Variants in PYROXD2 observed in about 807,000 individuals in gnomAD.
The protein encoded by PYROXD2 is pyridine nucleotide-disulfide oxidoreductase domain-containing protein 2.
Under a neutral mutation model 71.1 loss-of-function variants are expected in PYROXD2, and 69 were observed. The observed-to-expected ratio is 0.97, with a 90% CI of 0.80 to 1.19. The LOEUF is 1.19. Ranked by LOEUF, PYROXD2 falls within the 50% of genes most tolerant of loss-of-function variation. PYROXD2 has a pLI of 0.00. For synonymous variants in PYROXD2, 287 were observed against 302.7 expected, an observed-to-expected ratio of 0.95 and a Z score of 0.54; for missense variants, 745 against 748.9, an observed-to-expected ratio of 0.99 and a Z score of 0.06.
At position 98,385,065 on chromosome 10, in the gene PYROXD2, G is replaced by A. The variant is rs143481654; in HGVS notation, c.1557C>T (p.Asn519=). Residue 519 remains asparagine (N), a splice_region_variant and synonymous_variant, in exon 15 of 16, where the codon AAC becomes AAT. Transcript: ENST00000370575. The part of the protein sequence containing the change: ...LERIFGLPGG[N]IFHCAMSLDQ... ...CCAGGGACATGGCGCAGTGGAATAT[G>A]TTCTGCAGAGGCAGGGCCACAGTCA... 3,739 of 1,613,800 alleles carry A rather than the reference G, an allele frequency of 2.3e-3. 5 individuals carry two copies. Among genetic ancestry groups the A allele is most frequent in the Non-Finnish European group, 2.8e-3 (3,349 of 1,179,920 alleles).
intron 14 of PYROXD2, among the ~76,000 whole-genome samples, chr10:98,386,826 G>T (rs1249991702): frequency 6.6e-6 from 1 of 152,138 alleles, no homozygotes; most frequent in Non-Finnish European, 1.5e-5. Context: ...CTCCTATCTG[G>T]TCTCCCTGTC....
intron 14 of PYROXD2, among the ~76,000 whole-genome samples, chr10:98,385,884 C>T (rs942341683): frequency 2.1e-4 from 32 of 152,182 alleles, no homozygotes; most frequent in Non-Finnish European, 1.2e-4. Flanking sequence ...CTTCCCGCTG[C>T]CTGGCCTTCT....
At position 98,387,244 on chromosome 10, in the gene PYROXD2, A is replaced by G. The variant is rs1842783514; in HGVS notation, c.1511T>C (p.Leu504Pro). The stretch of plus-strand genomic sequence containing the variant: ...GATTCTCTCCAAATCTGGTGGTGTG[A>G]GGATGTCTCTGCCAACCACAGAGTC... ...FKDSVVGRDI[L>P]TPPDLERIFG... Residue 504 changes from leucine (L) to proline (P), a missense_variant, in exon 14 of 16, where the codon CTC (leucine) becomes CCC (proline). Leu to Pro is a moderately conservative substitution (Grantham distance 98). Transcript: ENST00000370575. 1 of 1,614,096 alleles carries G rather than the reference A, an allele frequency of 6.2e-7. No homozygotes were observed.
chr10:98,401,559 C>G (rs1843411674), intron 4 of PYROXD2, among the ~76,000 whole-genome samples: 1 of 152,056 alleles, frequency 6.6e-6, no homozygotes, highest in South Asian at 2.1e-4. Context: ...CTTTTTGATT[C>G]TCTTAAAAAG....
At chr10:98,395,345 G>C (rs760164741) in intron 7 of PYROXD2, 46 bp downstream of exon 7, 1 of 1,612,774 alleles carries the variant, frequency 6.2e-7, no homozygotes, top group Non-Finnish European at 8.5e-7. Context: ...ATGGGAGGAG[G>C]GCCCTCTCAC....
chr10:98,393,218 A>C, intron 8 of PYROXD2, 135 bp from the exon 9 acceptor site: 1 of 683,942 alleles, frequency 1.5e-6, no homozygotes, highest in Non-Finnish European at 2.4e-6. Flanking sequence ...GCAGCCTTCA[A>C]TGAGCTCAAG....
At chr10:98,397,314 A>G in intron 6 of PYROXD2, 31 bp downstream of exon 6, 3 of 1,551,270 alleles carry the variant, frequency 1.9e-6, no homozygotes, top group Non-Finnish European at 2.6e-6. Context: ...AAGGTCACTC[A>G]TCATGCCCTG....
intron 14 of PYROXD2, among the ~76,000 whole-genome samples, chr10:98,385,293 G>C (rs1842715045): frequency 6.6e-6 from 1 of 152,232 alleles, no homozygotes; most frequent in African/African-American, 2.4e-5. Flanking sequence ...AGCAGGGTGG[G>C]GAACACGAAC....
chr10:98,386,428 A>G (rs925404990), intron 14 of PYROXD2, among the ~76,000 whole-genome samples: 1 of 152,246 alleles, frequency 6.6e-6, no homozygotes, highest in Non-Finnish European at 1.5e-5. Flanking sequence ...CCAAAATATT[A>G]TAATTTCAAC....
In PYROXD2 at chr10:98,397,477, A is replaced by G; in HGVS notation, c.493T>C (p.Phe165Leu). ...ATGGCTAATGCCAAGCGATGCATGAACTCCTCATATTTGGGAAAGACCTGG... is the reference window on the plus strand; with the variant it reads ...ATGGCTAATGCCAAGCGATGCATGAGCTCCTCATATTTGGGAAAGACCTGG... Reference protein sequence around the residue: ...DAQVFPKYEEFMHRLALAIDP... With the variant: ...DAQVFPKYEELMHRLALAIDP... The change falls in exon 6 of 16, where the codon TTC becomes CTC. Residue 165 changes from phenylalanine (F) to leucine (L), a missense_variant. By Grantham distance (22) the Phe-to-Leu change is conservative. Transcript: ENST00000370575. 6.2e-7 allele frequency: 1 copy of G among 1,606,140 alleles called. No individual in the cohort carries two copies.
At chr10:98,390,840 G>T in intron 11 of PYROXD2, 86 bp from the exon 12 acceptor site, 2 of 1,499,644 alleles carry the variant, frequency 1.3e-6, no homozygotes, top group Non-Finnish European at 1.8e-6. Context: ...AGTGGCGGAC[G>T]GGAGTAGGAA....
intron 5 of PYROXD2, 58 bp from the exon 6 acceptor site, chr10:98,397,556 C>A: frequency 1.4e-6 from 2 of 1,476,856 alleles, no homozygotes; most frequent in Non-Finnish European, 1.8e-6. Flanking sequence ...TCCATGCTGT[C>A]CCCAGATGGC....
chr10:98,402,600 A>G (rs1469183732), intron 4 of PYROXD2, among the ~76,000 whole-genome samples: 2 of 152,246 alleles, frequency 1.3e-5, no homozygotes, highest in African/African-American at 4.8e-5. Context: ...CACAGATAAA[A>G]CAAAAGGGGC....
At chr10:98,411,302 G>A (rs1420238193) in intron 1 of PYROXD2, 16 of 295,798 alleles carry the variant, frequency 5.4e-5, no homozygotes, top group Admixed American at 4.5e-4. Flanking sequence ...GGAGCAGCAC[G>A]GTTGAGTTGG....
Position 98,388,503 on chromosome 10 carries a change from A to G in PYROXD2, c.1298T>C (p.Val433Ala). ...AMDGLPSHRP[V>A]IELCIPSSLD... ...CGAGGAAGGGATGCAGAGCTCAATC[A>G]CAGGCCTGTGCGGGCAGGGAGGAGA... Residue 433 changes from valine to alanine, a missense_variant, in exon 13 of 16, where the codon GTG (valine) becomes GCG (alanine). Transcript: ENST00000370575. The G allele has an allele frequency of 1.2e-6, 2 of 1,603,270 alleles. No individual in the cohort carries two copies. The highest frequency in any genetic ancestry group is 1.7e-6 in the Non-Finnish European group (2 of 1,175,518).
intron 10 of PYROXD2, among the ~76,000 whole-genome samples, chr10:98,391,867 C>A (rs982803191): frequency 1.3e-5 from 2 of 152,246 alleles, no homozygotes; most frequent in East Asian, 3.9e-4. Flanking sequence ...CCTGGACCAG[C>A]CACCACCAGC....
chr10:98,400,050 A>G, intron 5 of PYROXD2, 52 bp downstream of exon 5: 7 of 1,590,248 alleles, frequency 4.4e-6, no homozygotes, highest in Non-Finnish European at 6.0e-6. Flanking sequence ...AACCAGGCCC[A>G]TCTCTAGGCT....
chr10:98,388,955 G>A (rs1002972611), intron 12 of PYROXD2, among the ~76,000 whole-genome samples: 2 of 152,120 alleles, frequency 1.3e-5, no homozygotes, highest in Non-Finnish European at 2.9e-5. Flanking sequence ...AGCCCCAGCA[G>A]AGCTGTGACC....
At position 98,397,467 on chromosome 10, in the gene PYROXD2, C is replaced by A. The variant is rs145246693; in HGVS notation, c.503G>T (p.Arg168Leu). The change falls in exon 6 of 16, where the codon CGC becomes CTC. Residue 168 changes from arginine to leucine, a missense_variant. Coordinates refer to ENST00000370575, the MANE Select transcript of PYROXD2 (RefSeq NM_032709.3). ...VFPKYEEFMH[R>L]LALAIDPLLD... ...CAGAGGGTCAATGGCTAATGCCAAG[C>A]GATGCATGAACTCCTCATATTTGGG... 6.2e-7 allele frequency: 1 copy of A among 1,611,426 alleles called. No individual in the cohort carries two copies. The highest frequency in any genetic ancestry group is 8.5e-7 in the Non-Finnish European group (1 of 1,178,330).
Sources: allele counts gnomAD v4.1 joint callset (sites outside exome capture counted in the v4.1 genomes callset), GRCh38; gene constraint gnomAD v4.1.1; transcripts MANE v1.5; gene names NCBI Gene and HGNC (gene_info 2026-07-23, HGNC 2026-07-21).